The following PRKN variants were observed in gnomAD, a reference collection of about 807,000 sequenced individuals.
PRKN encodes the protein parkin RBR E3 ubiquitin protein ligase, also known as E3 ubiquitin-protein ligase parkin.
In PRKN, 56 loss-of-function variants were observed where a neutral mutation model predicts 59.5. The observed-to-expected ratio is 0.94, with a 90% CI of 0.76 to 1.18. The LOEUF (loss-of-function observed/expected upper bound fraction) is 1.18, where lower values mean the gene tolerates loss of function less well. Among genes scored for constraint, PRKN ranks in the 50% most tolerant of loss-of-function variants. The pLI is 0.00. For missense variants in PRKN, 657 were observed against 596.4 expected (o/e 1.10, Z -1.06); for synonymous variants, 250 against 222.1 (o/e 1.13, Z -1.12).
intron 2 of PRKN, among the ~76,000 whole-genome samples, chr6:162,427,863 G>A (rs1789317117): frequency 6.6e-6 from 1 of 152,058 alleles, no homozygotes; most frequent in African/African-American, 2.4e-5. Flanking sequence ...ATTTTTTAAA[G>A]TATAAAAACA....
intron 4 of PRKN, among the ~76,000 whole-genome samples, chr6:162,130,586 A>T (rs570304526): frequency 6.6e-6 from 1 of 152,298 alleles, no homozygotes; most frequent in South Asian, 2.1e-4. Flanking sequence ...AATATTTAGA[A>T]TAGCACTCTC....
At chr6:162,087,814 G>T (rs1340238760) in intron 4 of PRKN, among the ~76,000 whole-genome samples, 4 of 151,900 alleles carry the variant, frequency 2.6e-5, no homozygotes, top group Non-Finnish European at 1.5e-5. Context: ...GGCTGGTCTC[G>T]ATCTCGTGAC....
intron 2 of PRKN, among the ~76,000 whole-genome samples, chr6:162,354,792 C>G (rs1583429840): frequency 6.6e-6 from 1 of 152,088 alleles, no homozygotes; most frequent in Non-Finnish European, 1.5e-5. Context: ...GTCTATCAAC[C>G]ATCAGCAAAC....
At chr6:161,675,726 A>G (rs941255391) in intron 7 of PRKN, among the ~76,000 whole-genome samples, 1 of 152,142 alleles carries the variant, frequency 6.6e-6, no homozygotes, top group Non-Finnish European at 1.5e-5. Context: ...CTTCCTTTAC[A>G]TCATGACCTG....
chr6:162,309,484 T>C (rs1406374339), intron 2 of PRKN, among the ~76,000 whole-genome samples: 1 of 152,178 alleles, frequency 6.6e-6, no homozygotes, highest in Non-Finnish European at 1.5e-5. Flanking sequence ...AAGATGCTCC[T>C]GAATCTGACA....
At chr6:161,946,461 G>A (rs944530946) in intron 6 of PRKN, among the ~76,000 whole-genome samples, 1 of 146,082 alleles carries the variant, frequency 6.8e-6, no homozygotes, top group African/African-American at 2.6e-5. Context: ...CAATACAAAA[G>A]AGACAGCGCT....
At chr6:161,420,181 T>C (rs2115025916) in intron 9 of PRKN, among the ~76,000 whole-genome samples, 1 of 146,006 alleles carries the variant, frequency 6.8e-6, no homozygotes, top group Middle Eastern at 3.6e-3. Flanking sequence ...GAGGTTGCAG[T>C]GAGCCGAGAT....
At chr6:162,263,526 G>A (rs908130724) in intron 2 of PRKN, among the ~76,000 whole-genome samples, 4 of 152,088 alleles carry the variant, frequency 2.6e-5, no homozygotes, top group African/African-American at 9.7e-5. Flanking sequence ...TAACATTTAC[G>A]AAAAGGTTTT....
intron 5 of PRKN, among the ~76,000 whole-genome samples, chr6:161,979,001 A>G (rs1781159397): frequency 6.6e-6 from 1 of 152,168 alleles, no homozygotes; most frequent in Admixed American, 6.5e-5. Flanking sequence ...TACAAATGGT[A>G]GTTCACAGAT....
chr6:162,534,159 G>A (rs1778623281), intron 1 of PRKN, among the ~76,000 whole-genome samples: 1 of 152,120 alleles, frequency 6.6e-6, no homozygotes, highest in Non-Finnish European at 1.5e-5. Context: ...CAAATGTCTT[G>A]ACATGATGTT....
chr6:162,216,536 CAAAAAAAAAAAAAAAAAA>C (rs35025497), intron 3 of PRKN, among the ~76,000 whole-genome samples: 1 of 34,984 alleles, frequency 2.9e-5, no homozygotes, highest in African/African-American at 7.7e-5. Context: ...GACTCCGTCT[CAAAAAAAAAAAAAAAAAA>C]AAAAAAAAAA....
intron 3 of PRKN, among the ~76,000 whole-genome samples, chr6:162,227,666 C>T (rs1778240765): frequency 6.6e-6 from 1 of 152,132 alleles, no homozygotes; most frequent in African/African-American, 2.4e-5. Context: ...TTACTCTCTT[C>T]CCCTCACTCT....
chr6:161,645,266 C>T (rs928605238), intron 7 of PRKN, among the ~76,000 whole-genome samples: 35 of 150,786 alleles, frequency 2.3e-4, no homozygotes, highest in African/African-American at 5.8e-4. Flanking sequence ...AAATGAATTA[C>T]GGAAACATAC....
At chr6:162,199,269 T>C (rs1023151591) in intron 4 of PRKN, among the ~76,000 whole-genome samples, 1 of 151,860 alleles carries the variant, frequency 6.6e-6, no homozygotes, top group African/African-American at 2.4e-5. Flanking sequence ...GATTAGACAG[T>C]CCAGGTTCAA....
At chr6:161,720,777 T>G (rs1787187017) in intron 7 of PRKN, among the ~76,000 whole-genome samples, 2 of 146,756 alleles carry the variant, frequency 1.4e-5, no homozygotes. Flanking sequence ...TTTTTTTTTT[T>G]TTAACTATTT....
At position 161,545,557 on chromosome 6, in the gene PRKN, T is replaced by C. The variant is rs749738503; in HGVS notation, c.1083+3297A>G. Reference sequence around the variant, plus strand: ...TTTCTTCCAGACAATGGCTTTCCATTACACTCCTTAAACCCAGAAAAGATG... The same window carrying C: ...TTTCTTCCAGACAATGGCTTTCCATCACACTCCTTAAACCCAGAAAAGATG... On this transcript the variant is annotated intron_variant, in intron 9 of 11. Coordinates refer to ENST00000366898, the MANE Select transcript of PRKN (RefSeq NM_004562.3). The surrounding 1 kb of genome is among the most constrained non-coding windows in gnomAD (Gnocchi z 4.1). 1.5e-4 allele frequency: 117 copies of C among 757,666 alleles called. 2 individuals are homozygous for C. The highest frequency in any genetic ancestry group is 1.5e-3 in the South Asian group (98 of 65,496). 46.9% of individuals were successfully genotyped at this position (757,666 alleles called of 1,614,324 possible).
intron 1 of PRKN, among the ~76,000 whole-genome samples, chr6:162,540,058 G>A (rs1778867737): frequency 6.6e-6 from 1 of 151,892 alleles, no homozygotes; most frequent in Non-Finnish European, 1.5e-5. Context: ...TGGGATTATA[G>A]GCGCCCACCA....
At chr6:162,551,265 C>T (rs905968315) in intron 1 of PRKN, among the ~76,000 whole-genome samples, 13 of 152,074 alleles carry the variant, frequency 8.5e-5, no homozygotes, top group Non-Finnish European at 1.6e-4. Flanking sequence ...TAAATCTCAC[C>T]CACCAGACCA....
chr6:162,607,560 G>T (rs1162021852), intron 1 of PRKN, among the ~76,000 whole-genome samples: 1 of 151,836 alleles, frequency 6.6e-6, no homozygotes, highest in Non-Finnish European at 1.5e-5. Context: ...TTTTAATGGG[G>T]GAAACCTGGG....
Sources: allele counts gnomAD v4.1 joint callset (sites outside exome capture counted in the v4.1 genomes callset), GRCh38; gene constraint gnomAD v4.1.1; non-coding constraint Gnocchi (gnomAD v3.1); transcripts MANE v1.5; gene names NCBI Gene and HGNC (gene_info 2026-07-23, HGNC 2026-07-21).